LUC7L: variants seen among roughly 807,000 people sequenced by gnomAD.
The protein encoded by LUC7L is LUC7 like.
In LUC7L, 29 loss-of-function variants were observed where a neutral mutation model predicts 51.1. The ratio of observed to expected loss-of-function variants is 0.57; its 90% CI spans 0.42 to 0.77. The LOEUF (loss-of-function observed/expected upper bound fraction) is 0.77. Among genes scored for constraint, LUC7L ranks in the 30% least tolerant of loss-of-function variants. LUC7L has a pLI of 0.00. For missense variants in LUC7L, 403 were observed against 511.9 expected (o/e 0.79, Z 2.05); for synonymous variants, 181 against 180.7 (o/e 1.00, Z -0.01).
intron 3 of LUC7L, 41 bp from the exon 4 acceptor site, chr16:208,229 A>T: frequency 7.0e-7 from 1 of 1,428,738 alleles, no homozygotes; most frequent in South Asian, 1.2e-5. Context: ...AATGATGTGT[A>T]AAGCGTAAAG....
At chr16:190,509 T>A in intron 8 of LUC7L, 32 bp downstream of exon 8, 1 of 1,610,028 alleles carries the variant, frequency 6.2e-7, no homozygotes, top group Non-Finnish European at 8.5e-7. Context: ...AAAAAAAAAT[T>A]TGAGAACATT....
Position 217,707 on chromosome 16 carries a change from CA to C in LUC7L, c.255+2941del, listed in dbSNP as rs1244195088. On this transcript the variant is annotated intron_variant, in intron 3 of 9. Coordinates refer to ENST00000293872, the MANE Select transcript of LUC7L (RefSeq NM_201412.3). ...GGGCAACAAGAGTGAGACTCTGTTT[CA>C]AAAAAAAAAAAAATTTTTTTTTTAA... 5.3e-4 allele frequency among the ~76,000 whole-genome samples: 56 copies of C among 105,164 alleles called. No homozygotes were observed. In the Middle Eastern group the frequency reaches 0.016, roughly 30 times the overall value. The allele number at this position is 105,164 out of a possible 152,430, so 69.0% of individuals were successfully genotyped here.
intron 5 of LUC7L, among the ~76,000 whole-genome samples, chr16:199,818 C>T (rs2049270836): frequency 2.0e-5 from 3 of 150,224 alleles, no homozygotes; most frequent in East Asian, 1.9e-4. Flanking sequence ...TGTGAAACCC[C>T]GTCTCTACTA....
chr16:222,950 T>TAA (rs1567193203), intron 2 of LUC7L, among the ~76,000 whole-genome samples: 6 of 142,534 alleles, frequency 4.2e-5, no homozygotes, highest in African/African-American at 1.6e-4. Flanking sequence ...ACCCCGTCTT[T>TAA]TAAAAAAAAA....
At chr16:215,195 C>A (rs1301259640) in intron 3 of LUC7L, among the ~76,000 whole-genome samples, 2 of 152,104 alleles carry the variant, frequency 1.3e-5, no homozygotes, top group Non-Finnish European at 2.9e-5. Flanking sequence ...ATGTTTAAAA[C>A]ACCAACAGTA....
rs190238996 is a variant in LUC7L, at chr16:193,656, G to A, written c.688-641C>T. The stretch of plus-strand genomic sequence containing the variant: ...GGATTACAAGCGTGCCAGCACGGCC[G>A]GCTAATTTTTGTATGTTTAGTAGAG... On this transcript the variant is annotated intron_variant, in intron 6 of 9. Transcript: ENST00000293872. Among the ~76,000 whole-genome samples, 717 of 150,128 alleles carry A rather than the reference G, an allele frequency of 4.8e-3. 9 individuals carry two copies. The highest frequency in any genetic ancestry group is 0.017 in the African/African-American group (690 of 40,714).
chr16:192,113 C>A (rs573860224), intron 7 of LUC7L, among the ~76,000 whole-genome samples: 1 of 152,078 alleles, frequency 6.6e-6, no homozygotes, highest in Non-Finnish European at 1.5e-5. Context: ...GCAGCAACTC[C>A]GGGCCAGAAA....
chr16:199,673 A>G (rs1384172072), intron 5 of LUC7L, among the ~76,000 whole-genome samples: 1 of 146,638 alleles, frequency 6.8e-6, no homozygotes, highest in Non-Finnish European at 1.5e-5. Flanking sequence ...CTGGAGGCTG[A>G]GGCAGGAGAA....
At chr16:215,106 T>C (rs1389756146) in intron 3 of LUC7L, among the ~76,000 whole-genome samples, 2 of 152,046 alleles carry the variant, frequency 1.3e-5, no homozygotes, top group African/African-American at 2.4e-5. Flanking sequence ...TTAAAATAAG[T>C]TACGATAAAC....
chr16:223,692 C>T (rs905341148), intron 2 of LUC7L, among the ~76,000 whole-genome samples: 6 of 150,424 alleles, frequency 4.0e-5, no homozygotes, highest in Admixed American at 2.0e-4. Context: ...TTTTTTGAGG[C>T]GGAGTCTCAC....
chr16:189,118 G>C lies in LUC7L; in HGVS notation c.*80C>G. ...AGAAATTTTAAACTACAAAAGATGA[G>C]TTGTATTCAGCAAATATAAAGGGTA... On this transcript the variant is annotated 3_prime_UTR_variant, in exon 10 of 10. Coordinates refer to ENST00000293872, the MANE Select transcript of LUC7L (RefSeq NM_201412.3). 1 of 1,410,510 alleles carries C rather than the reference G, an allele frequency of 7.1e-7. No individual in the cohort carries two copies. The allele number at this position is 1,410,510 out of a possible 1,614,324, so 87.4% of individuals were successfully genotyped here. A position where few individuals can be genotyped will look rare whatever the true frequency, so the allele number is the denominator to read the frequency against.
At position 206,059 on chromosome 16, in the gene LUC7L, G is replaced by T; in HGVS notation, c.455C>A (p.Ser152Tyr). ...QLGAEGNVDE[S>Y]QKILMEVEKV... ...TTCCACTTCCATAAGAATCTTCTGG[G>T]ATTCATCCACATTACCTTCAGCCCC... is the stretch of plus-strand genomic sequence containing the variant. The change falls in exon 5 of 10, where the codon TCC (serine) becomes TAC (tyrosine). Residue 152 changes from serine (S) to tyrosine (Y), a missense_variant. Physicochemically the swap from Ser to Tyr is moderately radical, Grantham distance 144 (BLOSUM62 -2). This residue lies in a region of LUC7L where 182 missense variants were observed against 248.4 expected (regional missense o/e 0.73). Coordinates refer to ENST00000293872, the MANE Select transcript of LUC7L (RefSeq NM_201412.3). 6.2e-7 allele frequency: 1 copy of T among 1,613,662 alleles called. No homozygotes were observed. Among genetic ancestry groups the T allele is most frequent in the Non-Finnish European group, 8.5e-7 (1 of 1,179,886 alleles).
At chr16:207,296 A>C (rs999296823) in intron 4 of LUC7L, among the ~76,000 whole-genome samples, 2 of 151,898 alleles carry the variant, frequency 1.3e-5, no homozygotes, top group Admixed American at 6.6e-5. Flanking sequence ...ATCACAGCTC[A>C]TTGAAGCCTC....
Position 190,092 on chromosome 16 carries a change from A to G in LUC7L, c.850T>C (p.Ser284Pro). The stretch of plus-strand genomic sequence containing the variant: ...CGGGACAATTTCCGTCGCTCTCGGG[A>G]GGTAGATCTTGACCGCCTCCGACGC... ...DRRRRRSRST[S>P]RERRKLSRSR... The change falls in exon 9 of 10, where the codon TCC becomes CCC. Residue 284 changes from serine (S) to proline (P), a missense_variant. Physicochemically the swap from Ser to Pro is moderately conservative, Grantham distance 74 (BLOSUM62 -1). Around this residue, in one of 3 missense-constraint regions of LUC7L, gnomAD observed 206 missense variants for 218.3 expected, o/e 0.94. Coordinates refer to ENST00000293872, the MANE Select transcript of LUC7L (RefSeq NM_201412.3). The G allele has an allele frequency of 1.2e-6, 2 of 1,612,996 alleles. No individual in the cohort carries two copies. The highest frequency in any genetic ancestry group is 1.7e-6 in the Non-Finnish European group (2 of 1,179,968).
intron 9 of LUC7L, chr16:189,745 A>G: frequency 7.2e-7 from 1 of 1,388,234 alleles, no homozygotes; most frequent in South Asian, 1.8e-5. Flanking sequence ...CCCAGGACGC[A>G]GGCAGGGGAC....
chr16:227,442 T>G (rs1190813798), intron 1 of LUC7L, 106 bp from the exon 2 acceptor site: 1 of 1,503,368 alleles, frequency 6.7e-7, no homozygotes, highest in Non-Finnish European at 8.9e-7. Context: ...ATCATTTCTG[T>G]GTTCTCCCCA....
intron 1 of LUC7L, chr16:227,827 G>C (rs2050169273): frequency 1.0e-6 from 1 of 1,000,156 alleles, no homozygotes; most frequent in African/African-American, 1.7e-5. Flanking sequence ...ATCGAAGACT[G>C]TTAAATAATC....
chr16:206,212 G>A (rs562925947), intron 4 of LUC7L, 65 bp from the exon 5 acceptor site: 15 of 1,478,834 alleles, frequency 1.0e-5, no homozygotes, highest in Admixed American at 1.9e-5. Flanking sequence ...AGGCAACAAG[G>A]GTTTCTCCTG....
intron 4 of LUC7L, among the ~76,000 whole-genome samples, chr16:207,227 T>A (rs2049508748): frequency 6.6e-6 from 1 of 151,558 alleles, no homozygotes; most frequent in Non-Finnish European, 1.5e-5. Context: ...CGACAATAAT[T>A]TTTTTTTCTT....
Sources: allele counts gnomAD v4.1 joint callset (sites outside exome capture counted in the v4.1 genomes callset), GRCh38; gene constraint gnomAD v4.1.1; regional missense constraint gnomAD v4.1.1; transcripts MANE v1.5; gene names NCBI Gene and HGNC (gene_info 2026-07-23, HGNC 2026-07-21).